The following AGO3 variants were observed in gnomAD, a reference collection of about 807,000 sequenced individuals.
The protein encoded by AGO3 is argonaute RISC catalytic component 3, also known as protein argonaute-3.
A neutral mutation model predicts 105.5 loss-of-function variants in AGO3; 16 were observed. The observed-to-expected ratio is 0.15, with a 90% confidence interval of 0.10 to 0.23. The LOEUF is 0.23. Ranked by LOEUF, AGO3 falls within the 10% of genes least tolerant of loss-of-function variation. The pLI, the probability that AGO3 is intolerant of heterozygous loss-of-function variation, is 1.00. For synonymous variants in AGO3, 340 were observed against 367.3 expected, an observed-to-expected ratio of 0.93 and a Z score of 0.85; for missense variants, 534 against 1,088.0, an observed-to-expected ratio of 0.49 and a Z score of 7.16.
intron 11 of AGO3, among the ~76,000 whole-genome samples, chr1:36,016,121 A>G (rs1490265196): frequency 6.6e-6 from 1 of 152,238 alleles, no homozygotes; most frequent in African/African-American, 2.4e-5. Flanking sequence ...TTGATTGGCT[A>G]AAACTCAGTG....
intron 5 of AGO3, among the ~76,000 whole-genome samples, chr1:36,001,345 A>T (rs932154285): frequency 6.6e-6 from 1 of 152,260 alleles, no homozygotes; most frequent in Non-Finnish European, 1.5e-5. Flanking sequence ...GCACAGGAAC[A>T]TTCATTGGAA....
rs553815173 is a variant in AGO3 at position 36,045,252 on chromosome 1, C to T, written c.2274+1704C>T. On this transcript the variant is annotated intron_variant, in intron 17 of 18. Coordinates refer to ENST00000373191, the MANE Select transcript of AGO3 (RefSeq NM_024852.4). ...ACATTTTTTTTTTTTAACGGAGTCT[C>T]ACTCTGTCACCCAGGCTGGAGTACA... Among the ~76,000 whole-genome samples, 4 of 151,984 alleles carry T rather than the reference C, an allele frequency of 2.6e-5. No homozygotes were observed. The South Asian group carries it at 6.2e-4, about 24-fold the overall frequency.
chr1:36,031,978 A>G (rs1458101402), intron 12 of AGO3, among the ~76,000 whole-genome samples: 1 of 151,928 alleles, frequency 6.6e-6, no homozygotes, highest in African/African-American at 2.4e-5. Flanking sequence ...GGTTGCTTCT[A>G]CACTTTAGCT....
In AGO3 at chr1:36,058,829, A is replaced by T. The variant is rs1329775940; in HGVS notation, c.*3084A>T. On this transcript the variant is annotated 3_prime_UTR_variant, in exon 19 of 19. Transcript: ENST00000373191. Reference sequence around the variant, plus strand: ...TCCTCCAGAAAAATTTCCTATAAAGATGGATTTTTTTACACTGAAATTTTA... The same window carrying T: ...TCCTCCAGAAAAATTTCCTATAAAGTTGGATTTTTTTACACTGAAATTTTA... 1 of 152,116 alleles carries T rather than the reference A, an allele frequency of 6.6e-6. No individual in the cohort carries two copies. The highest frequency in any genetic ancestry group is 1.5e-5 in the Non-Finnish European group (1 of 68,026). 9.4% of individuals were successfully genotyped at this position (152,116 alleles called of 1,614,324 possible).
At chr1:35,987,636 A>G (rs1647248477) in intron 5 of AGO3, among the ~76,000 whole-genome samples, 2 of 152,070 alleles carry the variant, frequency 1.3e-5, no homozygotes, top group Admixed American at 1.3e-4. Flanking sequence ...TTAGGAAGAA[A>G]AAAGAGAAAT....
At chr1:35,966,765 T>C (rs1646782645) in intron 2 of AGO3, among the ~76,000 whole-genome samples, 190 bp from the exon 3 acceptor site, 1 of 152,210 alleles carries the variant, frequency 6.6e-6, no homozygotes, top group South Asian at 2.1e-4. Flanking sequence ...TAGTGAAATG[T>C]ATGTCATCTT....
intron 1 of AGO3, among the ~76,000 whole-genome samples, chr1:35,943,644 C>T (rs1571411540): frequency 6.8e-6 from 1 of 147,806 alleles, no homozygotes; most frequent in Admixed American, 6.8e-5. Flanking sequence ...CGCGCTATCA[C>T]CCAGGCTGGA....
At position 36,060,996 on chromosome 1, in the gene AGO3, G is replaced by A. The variant is rs1231624192; in HGVS notation, c.*5251G>A. 1 of 152,062 alleles carries A rather than the reference G, an allele frequency of 6.6e-6. No homozygotes were observed. The highest frequency in any genetic ancestry group is 2.4e-5 in the African/African-American group (1 of 41,380). The allele number at this position is 152,062 out of a possible 1,614,324, so 9.4% of individuals were successfully genotyped here. A position where few individuals can be genotyped will look rare whatever the true frequency, so the allele number is the denominator to read the frequency against. On this transcript the variant is annotated 3_prime_UTR_variant, in exon 19 of 19. Coordinates refer to ENST00000373191, the MANE Select transcript of AGO3 (RefSeq NM_024852.4). ...AGAAAAGCACTTTTGTGATTCTATA[G>A]GAGTCAAAAAATCAGCCAAGAGTAG...
At chr1:35,985,675 G>A (rs772138363) in intron 5 of AGO3, among the ~76,000 whole-genome samples, 34 of 152,150 alleles carry the variant, frequency 2.2e-4, no homozygotes, top group African/African-American at 4.8e-5. Context: ...AATATGAAAA[G>A]CAAATCTTCA....
At position 36,058,951 on chromosome 1, in the gene AGO3, TCTTC is replaced by T. The variant is rs1557720853; in HGVS notation, c.*3210_*3213del. 1 of 152,134 alleles carries T rather than the reference TCTTC, an allele frequency of 6.6e-6. No individual in the cohort carries two copies. The highest frequency in any genetic ancestry group is 1.5e-5 in the Non-Finnish European group (1 of 68,024). The allele number at this position is 152,134 out of a possible 1,614,324, so 9.4% of individuals were successfully genotyped here. On this transcript the variant is annotated 3_prime_UTR_variant, in exon 19 of 19. Coordinates refer to ENST00000373191, the MANE Select transcript of AGO3 (RefSeq NM_024852.4). Reference sequence around the variant, plus strand: ...ATGCTTGATCAGTGTGAGTAAAACATCTTCCTTTATCATGGGAGCTGCACAGATT... The same window carrying T: ...ATGCTTGATCAGTGTGAGTAAAACATCTTTATCATGGGAGCTGCACAGATT...
chr1:35,985,282 A>T (rs1647147206), intron 5 of AGO3, among the ~76,000 whole-genome samples: 1 of 152,226 alleles, frequency 6.6e-6, no homozygotes, highest in Non-Finnish European at 1.5e-5. Context: ...AACCTGTCTC[A>T]AAAAACAAAT....
chr1:35,984,206 C>T (rs1008110108), intron 5 of AGO3, among the ~76,000 whole-genome samples: 1 of 152,112 alleles, frequency 6.6e-6, no homozygotes, highest in Non-Finnish European at 1.5e-5. Context: ...CAGGGGCTCA[C>T]GCCTGTAGTC....
rs1642874362 is a variant in AGO3, at chr1:36,055,167, T to C, written c.2474+22T>C. On this transcript the variant is annotated intron_variant, in intron 18 of 18. Transcript: ENST00000373191. This position sits in a 1 kb window ranked among gnomAD's most constrained non-coding sequence, Gnocchi z 4.4. ...ACAGGTAATATAAAAGCATAACAGG[T>C]TCTCACCCAAATCCCAATATTGTCT... The C allele has an allele frequency of 1.3e-6, 2 of 1,563,884 alleles. No individual in the cohort carries two copies. Among genetic ancestry groups the C allele is most frequent in the South Asian group, 2.3e-5 (2 of 86,206 alleles).
rs1425403965 is a variant in AGO3 at position 36,063,442 on chromosome 1, G to C, written c.*7697G>C. 1 of 151,544 alleles carries C rather than the reference G, an allele frequency of 6.6e-6. No individual in the cohort carries two copies. The highest frequency in any genetic ancestry group is 2.4e-5 in the African/African-American group (1 of 41,188). 9.4% of individuals were successfully genotyped at this position (151,544 alleles called of 1,614,324 possible). A position where few individuals can be genotyped will look rare whatever the true frequency, so the allele number is the denominator to read the frequency against. The stretch of plus-strand genomic sequence containing the variant: ...GCATTAGGATTAAGATACCATTTTT[G>C]TAGGCCTGGAAAACAAATAGCAAAT... On this transcript the variant is annotated 3_prime_UTR_variant, in exon 19 of 19. Coordinates refer to ENST00000373191, the MANE Select transcript of AGO3 (RefSeq NM_024852.4).
At chr1:35,952,068 C>G (rs1482296216) in intron 2 of AGO3, among the ~76,000 whole-genome samples, 1 of 151,854 alleles carries the variant, frequency 6.6e-6, no homozygotes, top group Non-Finnish European at 1.5e-5. Flanking sequence ...TTGCCAACCA[C>G]TAATCTACTT....
At position 36,027,707 on chromosome 1, in the gene AGO3, A is replaced by T. The variant is rs1000031916; in HGVS notation, c.1591+409A>T. Among the ~76,000 whole-genome samples, 1 of 150,290 alleles carries T rather than the reference A, an allele frequency of 6.7e-6. No individual in the cohort carries two copies. The highest frequency in any genetic ancestry group is 1.5e-5 in the Non-Finnish European group (1 of 67,766). Reference sequence around the variant, plus strand: ...GGCAGGAGAATGGCGTGAACCCAGGAGGTGGAGCTTGCAGTGAGCCGAGAT... The same window carrying T: ...GGCAGGAGAATGGCGTGAACCCAGGTGGTGGAGCTTGCAGTGAGCCGAGAT... On this transcript the variant is annotated intron_variant, in intron 12 of 18. Transcript: ENST00000373191. The surrounding 1 kb of genome is among the most constrained non-coding windows in gnomAD (Gnocchi z 4.0).
intron 2 of AGO3, among the ~76,000 whole-genome samples, chr1:35,960,951 T>A (rs890000684): frequency 6.6e-6 from 1 of 151,488 alleles, no homozygotes; most frequent in African/African-American, 2.4e-5. Context: ...TTTTTATTTT[T>A]ATTTTTTTTT....
chr1:35,986,949 T>C (rs751614053), intron 5 of AGO3, among the ~76,000 whole-genome samples: 5 of 150,904 alleles, frequency 3.3e-5, no homozygotes, highest in Admixed American at 6.6e-5. Context: ...TGAGCTGAGA[T>C]TGCACCACTG....
chr1:35,998,418 A>G (rs1385657966), intron 5 of AGO3, among the ~76,000 whole-genome samples: 1 of 152,182 alleles, frequency 6.6e-6, no homozygotes, highest in Non-Finnish European at 1.5e-5. Flanking sequence ...TAGAGTATAT[A>G]TTCCACTATA....
Sources: allele counts gnomAD v4.1 joint callset (sites outside exome capture counted in the v4.1 genomes callset), GRCh38; gene constraint gnomAD v4.1.1; non-coding constraint Gnocchi (gnomAD v3.1); transcripts MANE v1.5; gene names NCBI Gene and HGNC (gene_info 2026-07-23, HGNC 2026-07-21).